The following GORASP2 variants were observed in gnomAD, a reference collection of about 807,000 sequenced individuals.
The protein encoded by GORASP2 is Golgi reassembly-stacking protein 2.
GORASP2 carries 22 observed loss-of-function variants against 45.7 expected under a neutral mutation model. That is an observed-to-expected ratio of 0.48 (90% CI 0.34 to 0.69). The LOEUF is 0.69. Ranked by LOEUF, GORASP2 falls within the 30% of genes least tolerant of loss-of-function variation. GORASP2 has a pLI of 0.01. For missense variants in GORASP2, 491 were observed against 562.7 expected (o/e 0.87, Z 1.29); for synonymous variants, 221 against 215.6 (o/e 1.02, Z -0.22).
chr2:170,949,415 G>A lies in GORASP2; in HGVS notation c.145-124G>A, dbSNP rs535431053. The A allele has an allele frequency of 8.6e-4, 559 of 652,848 alleles. 4 individuals carry two copies. In the South Asian group the frequency reaches 0.011, roughly 13 times the overall value. 40.4% of individuals were successfully genotyped at this position (652,848 alleles called of 1,614,324 possible). A position where few individuals can be genotyped will look rare whatever the true frequency, so the allele number is the denominator to read the frequency against. Reference sequence around the variant, plus strand: ...TACATAGAAGAAAATTTAAATGTTGGTGAAACCTTTGTTGAATGTTTTATT... The same window carrying A: ...TACATAGAAGAAAATTTAAATGTTGATGAAACCTTTGTTGAATGTTTTATT... On this transcript the variant is annotated intron_variant, in intron 2 of 9. Transcript: ENST00000234160.
chr2:170,949,473 C>T, intron 2 of GORASP2, 66 bp from the exon 3 acceptor site: 1 of 1,051,062 alleles, frequency 9.5e-7, no homozygotes. Context: ...CTTATAGGGC[C>T]ATAGGATGCT....
intron 7 of GORASP2, among the ~76,000 whole-genome samples, chr2:170,960,861 A>G (rs964170289): frequency 1.3e-5 from 2 of 152,242 alleles, no homozygotes; most frequent in Non-Finnish European, 2.9e-5. Context: ...TTTAGGCACA[A>G]TTTATTCCCG....
chr2:170,929,249 TC>T, upstream of GORASP2: 1 of 1,027,498 alleles, frequency 9.7e-7, no homozygotes, highest in Non-Finnish European at 1.3e-6. Context: ...GAGTGCCACG[TC>T]CCAAGTGCTA....
chr2:170,956,592 A>G (rs200886821), intron 7 of GORASP2, 33 bp downstream of exon 7: 1 of 1,560,752 alleles, frequency 6.4e-7, no homozygotes, highest in Non-Finnish European at 8.7e-7. Context: ...TTTTCAGTCT[A>G]TTTTATGTAA....
At chr2:170,948,593 T>C in intron 2 of GORASP2, 163 bp downstream of exon 2, 1 of 519,952 alleles carries the variant, frequency 1.9e-6, no homozygotes. Flanking sequence ...ATATCTATAA[T>C]ATTATACCTT....
chr2:170,930,988 A>AAAAAAC, intron 1 of GORASP2, among the ~76,000 whole-genome samples: 1 of 146,982 alleles, frequency 6.8e-6, no homozygotes, highest in Non-Finnish European at 1.5e-5. Context: ...AAAAAAAAAA[A>AAAAAAC]AAGTCGCGTG....
intron 5 of GORASP2, chr2:170,953,778 G>A (rs977919390): frequency 2.0e-5 from 3 of 152,236 alleles, no homozygotes; most frequent in African/African-American, 7.2e-5. Context: ...AGAAAACCTA[G>A]GGATTTAGAT....
intron 9 of GORASP2, among the ~76,000 whole-genome samples, chr2:170,964,292 C>A (rs1021856246): frequency 1.3e-5 from 2 of 152,166 alleles, no homozygotes; most frequent in African/African-American, 2.4e-5. Context: ...GATAATTGTC[C>A]CTCTTGTAAC....
At chr2:170,947,824 A>G (rs1430778474) in intron 1 of GORASP2, among the ~76,000 whole-genome samples, 1 of 152,164 alleles carries the variant, frequency 6.6e-6, no homozygotes, top group Admixed American at 6.5e-5. Context: ...AAAACCTCAT[A>G]TAGAAGATGA....
At chr2:170,957,857 C>G (rs537989823) in intron 7 of GORASP2, among the ~76,000 whole-genome samples, 3 of 152,314 alleles carry the variant, frequency 2.0e-5, no homozygotes, top group African/African-American at 7.2e-5. Flanking sequence ...GCTGGGGTCT[C>G]TCTGTTGCCC....
chr2:170,929,233 G>T, upstream of GORASP2: 3 of 839,002 alleles, frequency 3.6e-6, no homozygotes, highest in Middle Eastern at 3.7e-4. Flanking sequence ...GCTCTCCGGC[G>T]GCAGCGAGTG....
chr2:170,932,094 G>A (rs1026857397), intron 1 of GORASP2, among the ~76,000 whole-genome samples: 2 of 152,170 alleles, frequency 1.3e-5, no homozygotes, highest in Non-Finnish European at 2.9e-5. Context: ...GGGCATGGTA[G>A]TGCACACCTG....
intron 1 of GORASP2, among the ~76,000 whole-genome samples, chr2:170,930,576 C>G (rs1323176291): frequency 3.9e-5 from 6 of 152,154 alleles, no homozygotes; most frequent in African/African-American, 1.4e-4. Context: ...TTCTGATCTT[C>G]CGGATTATCG....
chr2:170,932,813 ACT>A (rs1484192093), intron 1 of GORASP2, among the ~76,000 whole-genome samples: 1 of 152,228 alleles, frequency 6.6e-6, no homozygotes, highest in Non-Finnish European at 1.5e-5. Context: ...GTATTCAAGG[ACT>A]ATATGGCCAA....
rs1704704845 is a variant in GORASP2 at position 170,967,103 on chromosome 2, T to C, written c.*973T>C. 1 of 152,248 alleles carries C rather than the reference T, an allele frequency of 6.6e-6. No homozygotes were observed. Among genetic ancestry groups the C allele is most frequent in the Non-Finnish European group, 1.5e-5 (1 of 68,042 alleles). 9.4% of individuals were successfully genotyped at this position (152,248 alleles called of 1,614,324 possible). On this transcript the variant is annotated 3_prime_UTR_variant, in exon 10 of 10. Transcript: ENST00000234160. ...AATTGATTTACTGAATGAAATTAAA[T>C]GCAGATATCCCTGTTTTTGAAATAA... is the stretch of plus-strand genomic sequence containing the variant.
intron 9 of GORASP2, 60 bp downstream of exon 9, chr2:170,963,006 C>T (rs966556948): frequency 4.6e-6 from 5 of 1,088,936 alleles, no homozygotes; most frequent in Non-Finnish European, 7.1e-6. Flanking sequence ...TTCAGGAATG[C>T]CCATCCTCTT....
At chr2:170,929,728 CCCT>C (rs1703772164) in intron 1 of GORASP2, 1 of 570,034 alleles carries the variant, frequency 1.8e-6, no homozygotes, top group Non-Finnish European at 3.4e-6. Context: ...CCTCCACCCC[CCCT>C]CATTTTTAGC....
At chr2:170,932,403 T>G (rs13017649) in intron 1 of GORASP2, among the ~76,000 whole-genome samples, 124,719 of 152,152 alleles carry the variant, frequency 0.82, 53,790 homozygotes, top group East Asian at 1. Flanking sequence ...ACGGTAGTCT[T>G]TTGTACCATA....
chr2:170,944,615 A>G (rs1464194362), intron 1 of GORASP2, among the ~76,000 whole-genome samples: 1 of 152,344 alleles, frequency 6.6e-6, no homozygotes, highest in East Asian at 1.9e-4. Flanking sequence ...TTTAAACTTT[A>G]TACTCTAAAG....
Sources: gnomAD v4.1 joint callset for allele counts (sites outside exome capture counted in the v4.1 genomes callset) on GRCh38, gnomAD v4.1.1 for gene constraint, MANE v1.5 for transcripts, NCBI Gene and HGNC (gene_info 2026-07-23, HGNC 2026-07-21) for gene names.